SIL1: variants seen among roughly 807,000 people sequenced by gnomAD.
The protein encoded by SIL1 is nucleotide exchange factor SIL1.
In SIL1, 40 loss-of-function variants were observed where a neutral mutation model predicts 49.1. The observed-to-expected ratio is 0.81, with a 90% CI of 0.63 to 1.06. The LOEUF is 1.06. Among genes scored for constraint, SIL1 ranks in the 50% least tolerant of loss-of-function variants. The pLI, the probability that SIL1 is intolerant of heterozygous loss-of-function variation, is 0.00. For missense variants in SIL1, 500 were observed against 572.6 expected (o/e 0.87, Z 1.29); for synonymous variants, 253 against 250.8 (o/e 1.01, Z -0.08).
intron 3 of SIL1, among the ~76,000 whole-genome samples, chr5:139,069,198 G>A (rs1029303216): frequency 5.3e-5 from 8 of 152,012 alleles, no homozygotes; most frequent in African/African-American, 1.9e-4. Context: ...TGAGGTGGGA[G>A]GATCACTTGA....
intron 3 of SIL1, among the ~76,000 whole-genome samples, chr5:139,091,794 C>T (rs536805475): frequency 2.0e-5 from 3 of 152,242 alleles, no homozygotes; most frequent in Non-Finnish European, 2.9e-5. Flanking sequence ...ACAGAAGACT[C>T]GGCTAACCAG....
Position 138,948,820 on chromosome 5 carries a change from GT to G in SIL1, c.1030-1348del, listed in dbSNP as rs1285470627. Reference sequence around the variant, plus strand: ...GCTGCCTAGGTCAGGAGGGCAGCGGGTTCCTTACGGGAGAGCGGTTGTTATT... The same window carrying G: ...GCTGCCTAGGTCAGGAGGGCAGCGGGTCCTTACGGGAGAGCGGTTGTTATT... On this transcript the variant is annotated intron_variant, in intron 9 of 9. Coordinates refer to ENST00000394817, the MANE Select transcript of SIL1 (RefSeq NM_022464.5). The surrounding 1 kb of genome is among the most constrained non-coding windows in gnomAD (Gnocchi z 4.8). 2.6e-5 allele frequency among the ~76,000 whole-genome samples: 4 copies of G among 152,292 alleles called. No individual in the cohort carries two copies. The East Asian group carries it at 5.8e-4, about 22-fold the overall frequency.
intron 1 of SIL1, among the ~76,000 whole-genome samples, chr5:139,132,046 T>C (rs1235098253): frequency 6.6e-6 from 1 of 151,364 alleles, no homozygotes; most frequent in African/African-American, 2.4e-5. Context: ...CTCATGTGTA[T>C]ACACACACAC....
At chr5:139,197,216 CGA>C (rs1465379428) in intron 1 of SIL1, among the ~76,000 whole-genome samples, 2 of 135,158 alleles carry the variant, frequency 1.5e-5, no homozygotes, top group Non-Finnish European at 1.5e-5. Flanking sequence ...TGCTGTGAGT[CGA>C]GATGGCACCA....
intron 3 of SIL1, among the ~76,000 whole-genome samples, chr5:139,090,762 A>G (rs1474502141): frequency 6.6e-6 from 1 of 151,806 alleles, no homozygotes; most frequent in Non-Finnish European, 1.5e-5. Context: ...GCACCACTAC[A>G]CCTGGCTAAT....
chr5:138,989,823 C>T (rs767980300), intron 7 of SIL1, among the ~76,000 whole-genome samples: 1 of 152,200 alleles, frequency 6.6e-6, no homozygotes, highest in Non-Finnish European at 1.5e-5. Context: ...ACTTCTCTAA[C>T]TGCACGGGAA....
intron 3 of SIL1, among the ~76,000 whole-genome samples, chr5:139,055,816 A>G (rs1391683531): frequency 6.9e-6 from 1 of 144,944 alleles, no homozygotes; most frequent in Non-Finnish European, 1.5e-5. Context: ...GATTGCAGGC[A>G]CGCGCCGCCA....
chr5:138,969,518 ACTCCACGCTCCACCAACCCCTG>A, intron 7 of SIL1, among the ~76,000 whole-genome samples: 1 of 151,688 alleles, frequency 6.6e-6, no homozygotes, highest in South Asian at 2.1e-4. Context: ...CTGCAATAAT[ACTCCACGCTCCACCAACCCCTG>A]TTCCATCTGA....
chr5:139,032,780 T>G (rs1768820666), intron 5 of SIL1: 1 of 152,220 alleles, frequency 6.6e-6, no homozygotes, highest in Admixed American at 6.5e-5. Context: ...TTGGGTAAAT[T>G]TGGATAATAT....
At chr5:138,978,210 G>A (rs1425580396) in intron 7 of SIL1, among the ~76,000 whole-genome samples, 13 of 121,668 alleles carry the variant, frequency 1.1e-4, no homozygotes, top group African/African-American at 3.3e-4. Context: ...AGTGCCCCCC[G>A]CAACTCTCCC....
At chr5:139,085,248 T>C (rs1466835984) in intron 3 of SIL1, among the ~76,000 whole-genome samples, 1 of 151,674 alleles carries the variant, frequency 6.6e-6, no homozygotes, top group Non-Finnish European at 1.5e-5. Flanking sequence ...GGCTAGAAAA[T>C]GAAGTGAGTG....
intron 1 of SIL1, among the ~76,000 whole-genome samples, chr5:139,182,166 G>A (rs546468381): frequency 1.3e-5 from 2 of 152,274 alleles, no homozygotes; most frequent in East Asian, 1.9e-4. Context: ...GCCTCAACAC[G>A]CTGCTCTCAT....
At chr5:138,987,232 C>A (rs1435336078) in intron 7 of SIL1, among the ~76,000 whole-genome samples, 1 of 151,814 alleles carries the variant, frequency 6.6e-6, no homozygotes, top group Non-Finnish European at 1.5e-5. Flanking sequence ...ACCTCAGCCT[C>A]CCAAGTAGCT....
chr5:139,036,412 C>G (rs1581048327), intron 5 of SIL1, among the ~76,000 whole-genome samples: 1 of 152,174 alleles, frequency 6.6e-6, no homozygotes, highest in East Asian at 1.9e-4. Flanking sequence ...AATCCTTTCC[C>G]CATTGCTTGT....
chr5:139,187,122 C>T (rs936403358), intron 1 of SIL1, among the ~76,000 whole-genome samples: 8 of 152,212 alleles, frequency 5.3e-5, no homozygotes, highest in African/African-American at 1.9e-4. Context: ...AACATCATAC[C>T]ATAATAAAAG....
chr5:138,979,548 G>A (rs1267094735), intron 7 of SIL1, among the ~76,000 whole-genome samples: 1 of 152,034 alleles, frequency 6.6e-6, no homozygotes, highest in Non-Finnish European at 1.5e-5. Flanking sequence ...CTGTCACACA[G>A]GCTGGAGTGC....
At chr5:139,050,603 T>C (rs558917220) in intron 4 of SIL1, among the ~76,000 whole-genome samples, 1 of 152,352 alleles carries the variant, frequency 6.6e-6, no homozygotes, top group South Asian at 2.1e-4. Context: ...AACAGGCCTG[T>C]TTTAATGAAT....
At chr5:139,170,449 T>C (rs1401163439) in intron 1 of SIL1, among the ~76,000 whole-genome samples, 6 of 150,356 alleles carry the variant, frequency 4.0e-5, no homozygotes, top group Non-Finnish European at 4.4e-5. Flanking sequence ...CGCCATCCCA[T>C]CTAGGAAGTG....
intron 7 of SIL1, among the ~76,000 whole-genome samples, chr5:139,003,848 T>C (rs534410560): frequency 1.3e-5 from 2 of 152,326 alleles, no homozygotes; most frequent in East Asian, 3.9e-4. Context: ...ATACTCTTTC[T>C]AATAACCTCA....
Sources: gnomAD v4.1 joint callset for allele counts (sites outside exome capture counted in the v4.1 genomes callset) on GRCh38, gnomAD v4.1.1 for gene constraint, Gnocchi (gnomAD v3.1) non-coding constraint, MANE v1.5 for transcripts, NCBI Gene and HGNC (gene_info 2026-07-23, HGNC 2026-07-21) for gene names.